The following NOTCH2 variants were observed in gnomAD, a reference collection of about 807,000 sequenced individuals.
The protein encoded by NOTCH2 is notch receptor 2, also known as neurogenic locus notch homolog protein 2.
Under a neutral mutation model 235.8 loss-of-function variants are expected in NOTCH2, and 29 were observed. That is an observed-to-expected ratio of 0.12 (90% CI 0.09 to 0.17). The LOEUF (loss-of-function observed/expected upper bound fraction) is 0.17, where lower values mean the gene tolerates loss of function less well. Ranked by LOEUF, NOTCH2 falls within the 10% of genes least tolerant of loss-of-function variation. The probability of loss-of-function intolerance (pLI) is 1.00; values close to 1 mark genes in which losing one functional copy is unlikely to be tolerated. For missense variants in NOTCH2, 2,285 were observed against 3,150.2 expected, an observed-to-expected ratio of 0.73 and a Z score of 6.57; for synonymous variants, 1,086 against 1,141.5, an observed-to-expected ratio of 0.95 and a Z score of 0.98.
In NOTCH2 at chr1:119,957,485, AATG is replaced by A. The variant is rs587757945; in HGVS notation, c.2026+1904_2026+1906del. On this transcript the variant is annotated intron_variant, in intron 12 of 33. Coordinates refer to ENST00000256646, the MANE Select transcript of NOTCH2 (RefSeq NM_024408.4). ...TTAAAGCTGTCAAAGCTATTATTAG[AATG>A]ATATGGGAAAAATATATTAAAATAA... 5.1e-4 allele frequency among the ~76,000 whole-genome samples: 77 copies of A among 152,330 alleles called. No individual in the cohort carries two copies. The Middle Eastern group carries it at 0.01, about 20-fold the overall frequency.
intron 22 of NOTCH2, 25 bp downstream of exon 22, chr1:119,935,446 GA>G (rs2101182256): frequency 6.2e-7 from 1 of 1,614,140 alleles, no homozygotes; most frequent in African/African-American, 1.3e-5. Context: ...GCCCTGGATG[GA>G]AAATGGATAA....
chr1:119,916,628 G>T lies in NOTCH2; in HGVS notation c.6094C>A (p.His2032Asn), dbSNP rs143236410. The change falls in exon 34 of 34, where the codon CAT becomes AAT. Residue 2032 changes from histidine to asparagine, a missense_variant. Transcript: ENST00000256646. ...TCTGTGATGTCTCGATTGGCAAAAT[G>T]GTCTAACAGGATCTTGGCTGCTTCA... ...SYEAAKILLD[H>N]FANRDITDHM... 2,815 of 1,614,176 alleles carry T rather than the reference G, an allele frequency of 1.7e-3. 3 individuals are homozygous for T. Among genetic ancestry groups the T allele is most frequent in the Non-Finnish European group, 2.1e-3 (2,471 of 1,180,032 alleles).
intron 16 of NOTCH2, 118 bp from the exon 17 acceptor site, chr1:119,948,684 C>T: frequency 1.6e-6 from 2 of 1,229,416 alleles, no homozygotes; most frequent in Non-Finnish European, 2.4e-6. Flanking sequence ...AACTGGTTGG[C>T]CCCCTGCTTT....
chr1:120,001,171 T>C (rs1652735240), intron 3 of NOTCH2, among the ~76,000 whole-genome samples: 1 of 152,188 alleles, frequency 6.6e-6, no homozygotes, highest in African/African-American at 2.4e-5. Context: ...GTAAGTCCAA[T>C]TAAACCTCTT....
At chr1:119,924,713 G>C (rs587716320) in intron 25 of NOTCH2, among the ~76,000 whole-genome samples, 77 of 152,310 alleles carry the variant, frequency 5.1e-4, no homozygotes, top group Non-Finnish European at 9.7e-4. Context: ...GCTTTGGCAA[G>C]TTCTTTAACC....
At chr1:119,933,487 A>G (rs1308592054) in intron 22 of NOTCH2, among the ~76,000 whole-genome samples, 1 of 152,278 alleles carries the variant, frequency 6.6e-6, no homozygotes, top group East Asian at 1.9e-4. Context: ...TACATACATC[A>G]TAATCAAACT....
At chr1:119,967,730 A>G in intron 7 of NOTCH2, 109 bp from the exon 8 acceptor site, 1 of 935,398 alleles carries the variant, frequency 1.1e-6, no homozygotes, top group Admixed American at 2.0e-5. Flanking sequence ...GCCTTCAATA[A>G]TATCATTCCC....
At chr1:120,017,993 A>T (rs1193979417) in intron 2 of NOTCH2, among the ~76,000 whole-genome samples, 1 of 151,730 alleles carries the variant, frequency 6.6e-6, no homozygotes, top group Non-Finnish European at 1.5e-5. Context: ...AAATTAAAGA[A>T]GATCTCTAGA....
chr1:119,964,927 G>T (rs1336962217), intron 10 of NOTCH2, among the ~76,000 whole-genome samples: 3 of 152,234 alleles, frequency 2.0e-5, no homozygotes, highest in African/African-American at 7.2e-5. Flanking sequence ...TCTAGTTGCA[G>T]AAGTCAGCAA....
chr1:119,924,056 G>C, intron 25 of NOTCH2, 72 bp from the exon 26 acceptor site: 1 of 1,312,430 alleles, frequency 7.6e-7, no homozygotes, highest in Non-Finnish European at 1.1e-6. Flanking sequence ...TTTTTCATTT[G>C]GAACTACTGT....
chr1:119,962,640 C>A lies in NOTCH2; in HGVS notation c.1915+934G>T, dbSNP rs1650980239. Among the ~76,000 whole-genome samples the A allele has an allele frequency of 3.3e-5, 5 of 152,190 alleles. No homozygotes were observed. The South Asian group carries it at 1.0e-3, about 32-fold the overall frequency. Reference sequence around the variant, plus strand: ...AAAGAAAATGAGGGTAGCTAACTACCCTCTCCACCTCTGCTCTCTACATAG... The same window carrying A: ...AAAGAAAATGAGGGTAGCTAACTACACTCTCCACCTCTGCTCTCTACATAG... On this transcript the variant is annotated intron_variant, in intron 11 of 33. Transcript: ENST00000256646.
In NOTCH2 at chr1:119,968,158, G is replaced by C. The variant is rs782633421; in HGVS notation, c.1183C>G (p.Leu395Val). Reference protein sequence around the residue: ...HKGALCDTNPLNGQYICTCPQ... With the variant: ...HKGALCDTNPVNGQYICTCPQ... The stretch of plus-strand genomic sequence containing the variant: ...CAGGTGCAAATATATTGCCCATTTA[G>C]GGGGTTGGTGTCACACAGTGCCCCC... Residue 395 changes from leucine (L) to valine (V), a missense_variant, in exon 7 of 34, where the codon CTA (leucine) becomes GTA (valine). Around this residue, in one of 6 missense-constraint regions of NOTCH2, gnomAD observed 431 missense variants for 757.8 expected, o/e 0.57. Coordinates refer to ENST00000256646, the MANE Select transcript of NOTCH2 (RefSeq NM_024408.4). 1 of 1,614,086 alleles carries C rather than the reference G, an allele frequency of 6.2e-7. No individual in the cohort carries two copies. Among genetic ancestry groups the C allele is most frequent in the Non-Finnish European group, 8.5e-7 (1 of 1,179,954 alleles).
At chr1:119,979,438 T>C (rs889685753) in intron 5 of NOTCH2, among the ~76,000 whole-genome samples, 1 of 152,198 alleles carries the variant, frequency 6.6e-6, no homozygotes, top group Non-Finnish European at 1.5e-5. Context: ...GTCTAAGAAT[T>C]TGATGAGATT....
At chr1:120,069,220 C>A (rs1241696796) in intron 1 of NOTCH2, 114 bp downstream of exon 1, 2 of 1,527,182 alleles carry the variant, frequency 1.3e-6, no homozygotes, top group Non-Finnish European at 1.8e-6. Flanking sequence ...GGCCTCGCTC[C>A]GCGCCGGCGG....
intron 21 of NOTCH2, among the ~76,000 whole-genome samples, chr1:119,936,759 A>T (rs1649863741): frequency 6.6e-6 from 1 of 152,256 alleles, no homozygotes. Context: ...ATCAGCCCAG[A>T]CATTAAAATA....
intron 3 of NOTCH2, among the ~76,000 whole-genome samples, chr1:119,999,785 G>A (rs2725900): frequency 0.039 from 5,832 of 150,856 alleles, no homozygotes; most frequent in East Asian, 0.11. Context: ...GGGAGGCTGA[G>A]GCACAAGAAT....
chr1:119,923,745 T>C lies in NOTCH2; in HGVS notation c.4751A>G (p.Gln1584Arg). 5 of 1,614,174 alleles carry C rather than the reference T, an allele frequency of 3.1e-6. No homozygotes were observed. Among genetic ancestry groups the C allele is most frequent in the Non-Finnish European group, 1.7e-6 (2 of 1,180,022 alleles). ...HTNLRIKRDS[Q>R]GELMVYPYYG... ...ATAGGGGTACACCATGAGTTCCCCC[T>C]GGGAGTCCCGCTTAATGCGCAGGTT... Residue 1584 changes from glutamine to arginine, a missense_variant, in exon 26 of 34, where the codon CAG (glutamine) becomes CGG (arginine). This residue lies in a region of NOTCH2 where 1,173 missense variants were observed against 1,515.3 expected (regional missense o/e 0.77). Coordinates refer to ENST00000256646, the MANE Select transcript of NOTCH2 (RefSeq NM_024408.4).
At chr1:120,063,201 T>C (rs1297624904) in intron 1 of NOTCH2, among the ~76,000 whole-genome samples, 1 of 152,066 alleles carries the variant, frequency 6.6e-6, no homozygotes, top group Non-Finnish European at 1.5e-5. Flanking sequence ...CCTAGATTCC[T>C]CCTTTATTTT....
Position 119,923,995 on chromosome 1 carries a change from G to A in NOTCH2, c.4512-11C>T, listed in dbSNP as rs2101159525. On this transcript the variant is annotated splice_polypyrimidine_tract_variant and intron_variant, in intron 25 of 33. Coordinates refer to ENST00000256646, the MANE Select transcript of NOTCH2 (RefSeq NM_024408.4). ...CAGTATTTGTCATACCTAGGTAAGGGGAAGCAGAGAACAGGCAAAAGAGCT... is the reference window on the plus strand; with the variant it reads ...CAGTATTTGTCATACCTAGGTAAGGAGAAGCAGAGAACAGGCAAAAGAGCT... The A allele has an allele frequency of 6.2e-7, 1 of 1,606,654 alleles. No individual in the cohort carries two copies. The highest frequency in any genetic ancestry group is 8.5e-7 in the Non-Finnish European group (1 of 1,173,522).
Sources: gnomAD v4.1 joint callset for allele counts (sites outside exome capture counted in the v4.1 genomes callset) on GRCh38, gnomAD v4.1.1 for gene constraint, gnomAD v4.1.1 regional missense constraint, MANE v1.5 for transcripts, NCBI Gene and HGNC (gene_info 2026-07-23, HGNC 2026-07-21) for gene names.